The following FHIT variants were observed in gnomAD, a reference collection of about 807,000 sequenced individuals.
The protein encoded by FHIT is fragile histidine triad diadenosine triphosphatase, also known as bis(5'-adenosyl)-triphosphatase.
FHIT carries 19 observed loss-of-function variants against 17.9 expected under a neutral mutation model. That is an observed-to-expected ratio of 1.06 (90% CI 0.74 to 1.56). The LOEUF (loss-of-function observed/expected upper bound fraction) is 1.56, where lower values mean the gene tolerates loss of function less well. Ranked by LOEUF, FHIT falls within the 40% of genes most tolerant of loss-of-function variation. The pLI, the probability that FHIT is intolerant of heterozygous loss-of-function variation, is 0.00. For synonymous variants in FHIT, 81 were observed against 69.7 expected, an observed-to-expected ratio of 1.16 and a Z score of -0.81; for missense variants, 248 against 189.2, an observed-to-expected ratio of 1.31 and a Z score of -1.82.
chr3:60,110,656 T>C (rs1704631446), intron 5 of FHIT, among the ~76,000 whole-genome samples: 1 of 152,152 alleles, frequency 6.6e-6, no homozygotes, highest in South Asian at 2.1e-4. Flanking sequence ...CATGACTTCA[T>C]AGAGGTGTTT....
chr3:60,090,586 T>G (rs1189146683), intron 5 of FHIT, among the ~76,000 whole-genome samples: 3 of 152,166 alleles, frequency 2.0e-5, no homozygotes, highest in East Asian at 1.9e-4. Flanking sequence ...CACAAGTAAT[T>G]GAAGGGAAGG....
At chr3:60,339,078 T>C (rs936633210) in intron 5 of FHIT, among the ~76,000 whole-genome samples, 3 of 152,220 alleles carry the variant, frequency 2.0e-5, no homozygotes, top group African/African-American at 7.2e-5. Flanking sequence ...AATATACACA[T>C]ATAATTTTAT....
In FHIT at chr3:60,040,705, C is replaced by G. The variant is rs150019078; in HGVS notation, c.104-26553G>C. ...AGGACTAGGGGAGAGGAAGCGAACA[C>G]AAAGAAAAGTTGGACCATGTAAGAA... is the stretch of plus-strand genomic sequence containing the variant. On this transcript the variant is annotated intron_variant, in intron 5 of 9. Coordinates refer to ENST00000492590, the MANE Select transcript of FHIT (RefSeq NM_002012.4). Among the ~76,000 whole-genome samples, 338 of 152,212 alleles carry G rather than the reference C, an allele frequency of 2.2e-3. 1 individual carries two copies. The highest frequency in any genetic ancestry group is 7.8e-3 in the African/African-American group (323 of 41,526).
intron 3 of FHIT, among the ~76,000 whole-genome samples, chr3:60,860,273 G>GATACATCATATGTATACATGAA (rs1703626374): frequency 1.2e-5 from 1 of 84,606 alleles, no homozygotes; most frequent in Admixed American, 1.4e-4. Flanking sequence ...GTATACATGA[G>GATACATCATATGTATACATGAA]ATACATCATA....
chr3:60,362,775 T>C (rs771018994), intron 5 of FHIT, among the ~76,000 whole-genome samples: 3 of 152,164 alleles, frequency 2.0e-5, no homozygotes, highest in Non-Finnish European at 4.4e-5. Flanking sequence ...GCCTTCCTTA[T>C]AGAGTTATAG....
chr3:60,399,499 T>C (rs1382761652), intron 5 of FHIT, among the ~76,000 whole-genome samples: 1 of 152,194 alleles, frequency 6.6e-6, no homozygotes, highest in Non-Finnish European at 1.5e-5. Flanking sequence ...ACTCACACTC[T>C]ATTTTGGACT....
At chr3:60,673,984 A>AT (rs2040566605) in intron 4 of FHIT, among the ~76,000 whole-genome samples, 1 of 151,532 alleles carries the variant, frequency 6.6e-6, no homozygotes. Context: ...TTTTTAAACT[A>AT]TTTTTTTTCC....
At chr3:60,195,667 T>C (rs1341953315) in intron 5 of FHIT, among the ~76,000 whole-genome samples, 1 of 148,372 alleles carries the variant, frequency 6.7e-6, no homozygotes, top group Non-Finnish European at 1.5e-5. Context: ...CACATATATA[T>C]ATGTATACCA....
In FHIT at chr3:60,925,743, C is replaced by T. The variant is rs541563333; in HGVS notation, c.-110-103732G>A. 2.6e-5 allele frequency among the ~76,000 whole-genome samples: 4 copies of T among 152,194 alleles called. No homozygotes were observed. The South Asian group carries it at 6.2e-4, about 24-fold the overall frequency. ...CTTAAATGTAAATGGGCTAAATGCT[C>T]CAGTTAAAAGACACAGACTGGCAAA... On this transcript the variant is annotated intron_variant, in intron 3 of 9. Coordinates refer to ENST00000492590, the MANE Select transcript of FHIT (RefSeq NM_002012.4).
intron 5 of FHIT, among the ~76,000 whole-genome samples, chr3:60,416,488 A>T (rs1308288208): frequency 3.3e-5 from 5 of 152,176 alleles, no homozygotes; most frequent in African/African-American, 1.2e-4. Context: ...AGTCTACCAC[A>T]ATTGTGTGAA....
At chr3:60,177,437 C>A (rs972589230) in intron 5 of FHIT, among the ~76,000 whole-genome samples, 1 of 152,100 alleles carries the variant, frequency 6.6e-6, no homozygotes, top group African/African-American at 2.4e-5. Context: ...CAGTTTCTCC[C>A]TAACACTAAA....
At chr3:61,239,876 G>A (rs2040333215) in intron 1 of FHIT, among the ~76,000 whole-genome samples, 1 of 151,080 alleles carries the variant, frequency 6.6e-6, no homozygotes, top group Admixed American at 6.6e-5. Flanking sequence ...TATTTCAAGT[G>A]TAGCCCATGG....
intron 8 of FHIT, among the ~76,000 whole-genome samples, chr3:59,876,678 T>C (rs766362695): frequency 2.0e-5 from 3 of 152,150 alleles, no homozygotes; most frequent in Non-Finnish European, 2.9e-5. Context: ...CACTAAGGGG[T>C]AAGAGTAGTA....
At chr3:60,986,779 G>A (rs1293250890) in intron 3 of FHIT, among the ~76,000 whole-genome samples, 1 of 152,104 alleles carries the variant, frequency 6.6e-6, no homozygotes, top group African/African-American at 2.4e-5. Flanking sequence ...AATAGCCGCT[G>A]ACAGTTATTC....
chr3:60,086,661 G>A (rs1169979315), intron 5 of FHIT, among the ~76,000 whole-genome samples: 12 of 152,206 alleles, frequency 7.9e-5, no homozygotes, highest in South Asian at 4.1e-4. Flanking sequence ...AAACTTAGCC[G>A]GGCAGACATG....
chr3:60,836,373 T>C (rs1702541790), intron 3 of FHIT, among the ~76,000 whole-genome samples: 1 of 152,220 alleles, frequency 6.6e-6, no homozygotes, highest in Non-Finnish European at 1.5e-5. Context: ...AAATGTTTGG[T>C]AAAATTCTCC....
At chr3:59,907,621 A>C (rs1160270282) in intron 8 of FHIT, among the ~76,000 whole-genome samples, 5 of 152,232 alleles carry the variant, frequency 3.3e-5, no homozygotes, top group African/African-American at 9.6e-5. Context: ...GCATGTGTGC[A>C]CTGGGGCAGG....
intron 3 of FHIT, among the ~76,000 whole-genome samples, chr3:61,036,316 C>G (rs1389523482): frequency 6.6e-6 from 1 of 150,832 alleles, no homozygotes; most frequent in African/African-American, 2.5e-5. Flanking sequence ...GAGGGATCAG[C>G]CCCCCCTGAT....
intron 5 of FHIT, among the ~76,000 whole-genome samples, chr3:60,081,037 ATAGAG>A (rs1703260203): frequency 6.6e-6 from 1 of 152,142 alleles, no homozygotes; most frequent in South Asian, 2.1e-4. Flanking sequence ...AAAGGAAGGG[ATAGAG>A]ACCAGGCAAG....
Sources: gnomAD v4.1 joint callset for allele counts (sites outside exome capture counted in the v4.1 genomes callset) on GRCh38, gnomAD v4.1.1 for gene constraint, MANE v1.5 for transcripts, NCBI Gene and HGNC (gene_info 2026-07-23, HGNC 2026-07-21) for gene names.